The following ADGRL3 variants were observed in gnomAD, a reference collection of about 807,000 sequenced individuals.
The protein encoded by ADGRL3 is adhesion G protein-coupled receptor L3, also known as calcium-independent alpha-latrotoxin receptor 3.
In ADGRL3, 62 loss-of-function variants were observed where a neutral mutation model predicts 153.5. The ratio of observed to expected loss-of-function variants is 0.40; its 90% CI spans 0.33 to 0.50. ADGRL3 has a LOEUF of 0.50. ADGRL3 is among the 20% of genes least tolerant of loss of function. ADGRL3 has a pLI of 0.47. For synonymous variants in ADGRL3, 710 were observed against 672.5 expected, an observed-to-expected ratio of 1.06 and a Z score of -0.86; for missense variants, 1,641 against 1,859.4, an observed-to-expected ratio of 0.88 and a Z score of 2.16.
chr4:61,418,215 C>T (rs530654100), intron 2 of ADGRL3, among the ~76,000 whole-genome samples: 149 of 152,256 alleles, frequency 9.8e-4, no homozygotes, highest in African/African-American at 3.5e-3. Context: ...TTTCGTTGGA[C>T]AAAATATCAT....
At position 61,778,385 on chromosome 4, in the gene ADGRL3, G is replaced by T. The variant is rs185345722; in HGVS notation, c.1400-35424G>T. ...CACATTTGAACATTTCAAACAAACA[G>T]CTTTCACCAGTTGTTTGTAAGGACA... is the stretch of plus-strand genomic sequence containing the variant. On this transcript the variant is annotated intron_variant, in intron 8 of 26. Transcript: ENST00000683033. Among the ~76,000 whole-genome samples, 375 of 152,232 alleles carry T rather than the reference G, an allele frequency of 2.5e-3. 2 individuals are homozygous for T. The highest frequency in any genetic ancestry group is 4.1e-3 in the Non-Finnish European group (278 of 68,000).
chr4:61,416,009 A>G (rs192842062), intron 2 of ADGRL3, among the ~76,000 whole-genome samples: 8 of 152,214 alleles, frequency 5.3e-5, no homozygotes, highest in South Asian at 4.1e-4. Context: ...TGTCTCTTCT[A>G]TGGTTTAATT....
intron 1 of ADGRL3, among the ~76,000 whole-genome samples, chr4:61,334,007 G>T (rs1029327975): frequency 1.3e-5 from 2 of 150,516 alleles, no homozygotes; most frequent in Admixed American, 6.7e-5. Context: ...TCTCTGCCTC[G>T]CTGGTCCAAG....
intron 17 of ADGRL3, among the ~76,000 whole-genome samples, chr4:61,949,899 G>A (rs1047758656): frequency 1.3e-5 from 2 of 152,072 alleles, no homozygotes; most frequent in African/African-American, 4.8e-5. Context: ...GAAAGTTAAA[G>A]CTTAGTTTTC....
chr4:61,370,636 A>G (rs1193100064), intron 1 of ADGRL3, among the ~76,000 whole-genome samples: 1 of 151,464 alleles, frequency 6.6e-6, no homozygotes, highest in African/African-American at 2.4e-5. Flanking sequence ...TGCTGAGGAG[A>G]GCTTTACTTC....
In ADGRL3 at chr4:61,621,419, T is replaced by G. The variant is rs1187898285; in HGVS notation, c.473+33979T>G. Among the ~76,000 whole-genome samples the G allele has an allele frequency of 2.6e-5, 4 of 152,168 alleles. No homozygotes were observed. The East Asian group carries it at 5.8e-4, about 22-fold the overall frequency. ...AGCCAGCTGACCCCAGTATACAGTA[T>G]CCTTGCTGCAAATTTCTTAGTGTTT... On this transcript the variant is annotated intron_variant, in intron 5 of 26. Transcript: ENST00000683033.
Position 61,659,311 on chromosome 4 carries a change from C to T in ADGRL3, c.474-17515C>T, listed in dbSNP as rs191833575. Among the ~76,000 whole-genome samples the T allele has an allele frequency of 4.1e-3, 621 of 152,234 alleles. 13 individuals carry two copies. Among genetic ancestry groups the T allele is most frequent in the Non-Finnish European group, 2.6e-3 (177 of 68,004 alleles). On this transcript the variant is annotated intron_variant, in intron 5 of 26. Transcript: ENST00000683033. The stretch of plus-strand genomic sequence containing the variant: ...ATCTTTTTGAGGACTACAATTCAAC[C>T]TGTAATAGTGACCCTTATTTTCGTA...
intron 4 of ADGRL3, among the ~76,000 whole-genome samples, chr4:61,533,760 C>T (rs965145985): frequency 3.3e-5 from 5 of 152,030 alleles, no homozygotes; most frequent in Non-Finnish European, 7.4e-5. Context: ...TGAGGTTCTC[C>T]TAATAAATAA....
chr4:61,551,044 A>C (rs959116995), intron 4 of ADGRL3, among the ~76,000 whole-genome samples: 6 of 152,070 alleles, frequency 3.9e-5, no homozygotes, highest in Non-Finnish European at 8.8e-5. Flanking sequence ...TGAAGATATT[A>C]ATCACGTGGT....
chr4:61,755,751 A>G (rs1475236810), intron 8 of ADGRL3, among the ~76,000 whole-genome samples: 2 of 152,164 alleles, frequency 1.3e-5, no homozygotes, highest in African/African-American at 4.8e-5. Context: ...TTATGGTTTC[A>G]GGTCTAACAT....
intron 1 of ADGRL3, among the ~76,000 whole-genome samples, chr4:61,321,559 G>C (rs1032352727): frequency 6.6e-6 from 1 of 150,916 alleles, no homozygotes; most frequent in East Asian, 1.9e-4. Flanking sequence ...TGGAAACATG[G>C]AGTGTACATA....
At chr4:61,271,306 C>G (rs950707495) in intron 1 of ADGRL3, among the ~76,000 whole-genome samples, 1 of 151,940 alleles carries the variant, frequency 6.6e-6, no homozygotes. Flanking sequence ...AATGTCTCAT[C>G]TCACATGAGG....
At chr4:62,048,796 G>A (rs1039807061) in intron 25 of ADGRL3, among the ~76,000 whole-genome samples, 4 of 151,104 alleles carry the variant, frequency 2.6e-5, no homozygotes, top group South Asian at 2.1e-4. Flanking sequence ...CAAGCAGTCC[G>A]TCTGCCTCAG....
intron 2 of ADGRL3, among the ~76,000 whole-genome samples, chr4:61,432,586 CTTTCTTTCTTTCTTTCTTTCTTTCTTTCT>C (rs2152420680): frequency 9.9e-5 from 1 of 10,124 alleles, no homozygotes; most frequent in East Asian, 4.7e-3. Flanking sequence ...TTCTTTCTTT[CTTTCTTTCTTTCTTTCTTTCTTTCTTTCT>C]TTCTTTCTTT....
At chr4:61,767,059 G>T (rs1199656673) in intron 8 of ADGRL3, among the ~76,000 whole-genome samples, 2 of 152,018 alleles carry the variant, frequency 1.3e-5, no homozygotes, top group African/African-American at 4.8e-5. Flanking sequence ...GTTGAGTGGG[G>T]TAAGGGTGAT....
chr4:61,788,455 C>G (rs1232163591), intron 8 of ADGRL3, among the ~76,000 whole-genome samples: 1 of 152,142 alleles, frequency 6.6e-6, no homozygotes, highest in Non-Finnish European at 1.5e-5. Context: ...CAGTCCTTCT[C>G]TCAGGAAGCC....
intron 1 of ADGRL3, among the ~76,000 whole-genome samples, chr4:61,230,120 T>C (rs1749942414): frequency 6.6e-6 from 1 of 152,096 alleles, no homozygotes; most frequent in South Asian, 2.1e-4. Context: ...AAGCAAGTAA[T>C]TTTAAAAGAA....
At chr4:61,460,074 A>C (rs976313597) in intron 2 of ADGRL3, among the ~76,000 whole-genome samples, 1 of 152,040 alleles carries the variant, frequency 6.6e-6, no homozygotes, top group African/African-American at 2.4e-5. Context: ...GAAGCTTTTT[A>C]GTTTAATGCG....
intron 2 of ADGRL3, among the ~76,000 whole-genome samples, chr4:61,443,979 GT>G (rs2097553887): frequency 1.3e-5 from 2 of 152,008 alleles, no homozygotes; most frequent in African/African-American, 4.8e-5. Context: ...GTATCAGTGT[GT>G]GCCTGAATCA....
Sources: gnomAD v4.1 joint callset for allele counts (sites outside exome capture counted in the v4.1 genomes callset) on GRCh38, gnomAD v4.1.1 for gene constraint, MANE v1.5 for transcripts, NCBI Gene and HGNC (gene_info 2026-07-23, HGNC 2026-07-21) for gene names.